Variants in FRMD1 observed in about 807,000 individuals in gnomAD.
The protein encoded by FRMD1 is FERM domain containing 1.
Under a neutral mutation model 54.9 loss-of-function variants are expected in FRMD1, and 51 were observed. The ratio of observed to expected loss-of-function variants is 0.93; its 90% confidence interval spans 0.74 to 1.17. The LOEUF is 1.17. Ranked by LOEUF, FRMD1 falls within the 50% of genes most tolerant of loss-of-function variation. The pLI is 0.00. For synonymous variants in FRMD1, 324 were observed against 306.4 expected (o/e 1.06, Z -0.60); for missense variants, 729 against 743.0 (o/e 0.98, Z 0.22).
At chr6:168,091,734 GA>G (rs1373335709) in intron 1 of FRMD1, among the ~76,000 whole-genome samples, 5 of 152,210 alleles carry the variant, frequency 3.3e-5, no homozygotes, top group African/African-American at 1.2e-4. Flanking sequence ...GGCTGGAACC[GA>G]ATCATAGCTC....
chr6:168,075,703 C>G, intron 1 of FRMD1: 3 of 1,484,512 alleles, frequency 2.0e-6, no homozygotes, highest in Non-Finnish European at 2.8e-6. Context: ...CAAATGAATG[C>G]TTGGTTCCCC....
chr6:168,083,401 C>G (rs149811661), upstream of FRMD1, among the ~76,000 whole-genome samples: 1 of 152,202 alleles, frequency 6.6e-6, no homozygotes, highest in African/African-American at 2.4e-5. Context: ...GCAGCGGTGC[C>G]GGCAGGAACC....
At chr6:168,078,790 ACCCAGGGCCCTGCTCACCCCCACGG>A in intron 1 of FRMD1, 67 bp downstream of exon 1, 5 of 85,152 alleles carry the variant, frequency 5.9e-5, no homozygotes, top group Non-Finnish European at 6.8e-5. Flanking sequence ...CCCCACGGCC[ACCCAGGGCCCTGCTCACCCCCACGG>A]CCACCCGGAG....
chr6:168,088,759 C>T (rs527609146), intron 1 of FRMD1, among the ~76,000 whole-genome samples: 1 of 152,072 alleles, frequency 6.6e-6, no homozygotes, highest in South Asian at 2.1e-4. Context: ...TACTGCTGTC[C>T]CCTGCACACA....
chr6:168,065,093 G>T (rs376497014), intron 4 of FRMD1, 36 bp from the exon 5 acceptor site: 5 of 1,571,980 alleles, frequency 3.2e-6, no homozygotes, highest in Admixed American at 1.7e-5. Context: ...CAGGACGACC[G>T]GTGTGGGGAC....
intron 3 of FRMD1, 109 bp from the exon 4 acceptor site, chr6:168,066,940 C>T (rs989529369): frequency 6.3e-5 from 87 of 1,383,080 alleles, no homozygotes; most frequent in Middle Eastern, 1.8e-4. Context: ...AGCTTAAAGT[C>T]GAAGCTCAGG....
At chr6:168,066,703 G>A (rs1220666887) in intron 4 of FRMD1, 52 bp downstream of exon 4, 17 of 1,563,250 alleles carry the variant, frequency 1.1e-5, no homozygotes, top group East Asian at 2.3e-5. Flanking sequence ...CACGTCATGC[G>A]GCAGATTTTC....
chr6:168,064,925 C>A lies in FRMD1; in HGVS notation c.594G>T (p.Arg198=). ...CALQADLGEH[R]ESAHAGRYFE... is the part of the protein sequence containing the mutation. ...AGTACCTCCCGGCATGGGCCGACTC[C>A]CGGTGCTCGCCCAGGTCAGCCTGCA... The change falls in exon 5 of 11, where the codon CGG becomes CGT. Residue 198 remains arginine (R), a synonymous_variant. Coordinates refer to ENST00000283309, the MANE Select transcript of FRMD1 (RefSeq NM_024919.6). 6.2e-7 allele frequency: 1 copy of A among 1,606,784 alleles called. No individual in the cohort carries two copies.
At chr6:168,065,994 C>G in intron 4 of FRMD1, 1 of 1,000,210 alleles carries the variant, frequency 1.0e-6, no homozygotes, top group South Asian at 4.7e-5. Context: ...AGAAGCAGCC[C>G]CCGTTGGTTT....
upstream of FRMD1, chr6:168,081,333 C>T: frequency 6.6e-7 from 1 of 1,517,632 alleles, no homozygotes; most frequent in South Asian, 1.2e-5. Context: ...GGCCCCAACA[C>T]TGACCCCACC....
upstream of FRMD1, among the ~76,000 whole-genome samples, chr6:168,080,542 T>C (rs1583210276): frequency 6.6e-6 from 1 of 151,854 alleles, no homozygotes; most frequent in Non-Finnish European, 1.5e-5. Context: ...CTGTGCCGGG[T>C]GCCCTCAGCC....
intron 7 of FRMD1, 156 bp downstream of exon 7, chr6:168,062,738 T>C (rs1389539706): frequency 1.9e-6 from 3 of 1,563,946 alleles, no homozygotes; most frequent in Admixed American, 3.9e-5. Context: ...ACGGTCCACC[T>C]CCTGCGGGAC....
intron 1 of FRMD1, among the ~76,000 whole-genome samples, chr6:168,076,339 G>A (rs949130092): frequency 6.6e-6 from 1 of 152,236 alleles, no homozygotes; most frequent in South Asian, 2.1e-4. Context: ...CTAATCCTGA[G>A]TTAATCCTGA....
rs142502669 is a variant in FRMD1, at chr6:168,079,141, T to C, written c.-47A>G. On this transcript the variant is annotated 5_prime_UTR_variant, in exon 1 of 11. Transcript: ENST00000283309. ...CCCGCCATGGGTCGCAGGTGGGTGC[T>C]CAGCACCTCCCAGATCACAGCTGTG... The C allele has an allele frequency of 6.5e-7, 1 of 1,538,116 alleles. No homozygotes were observed. The highest frequency in any genetic ancestry group is 1.9e-5 in the Admixed American group (1 of 52,640).
At chr6:168,083,611 C>A (rs1364392090), upstream of FRMD1, among the ~76,000 whole-genome samples, 1 of 152,246 alleles carries the variant, frequency 6.6e-6, no homozygotes, top group Non-Finnish European at 1.5e-5. Flanking sequence ...CACTCCCCAT[C>A]AGGTGGCTGG....
At chr6:168,065,555 T>C (rs765229260) in intron 4 of FRMD1, 68 of 987,036 alleles carry the variant, frequency 6.9e-5, no homozygotes, top group Non-Finnish European at 8.1e-5. Flanking sequence ...TCTTCTCATA[T>C]AATTCCCCCG....
rs1404012226 is a variant in FRMD1, at chr6:168,073,461, C to T, written c.304+1784G>A. Among the ~76,000 whole-genome samples the T allele has an allele frequency of 3.9e-5, 6 of 152,318 alleles. No homozygotes were observed. In the East Asian group the frequency reaches 1.2e-3, roughly 29 times the overall value. ...GGCCTGCTGGACCCCATCTTATTCCCTCTGCCCCCCAGGGTCCTCCTTCCA... is the reference window on the plus strand; with the variant it reads ...GGCCTGCTGGACCCCATCTTATTCCTTCTGCCCCCCAGGGTCCTCCTTCCA... On this transcript the variant is annotated intron_variant, in intron 2 of 10. Transcript: ENST00000283309.
At position 168,064,805 on chromosome 6, in the gene FRMD1, G is replaced by A. The variant is rs1202018672; in HGVS notation, c.648+66C>T. On this transcript the variant is annotated intron_variant, in intron 5 of 10. Transcript: ENST00000283309. ...CCCTCAGTCCCCTGCTCCCATGGAT[G>A]GCACCCGGTGGAGGTGGACAGGCAC... 2.7e-6 allele frequency: 4 copies of A among 1,500,842 alleles called. No homozygotes were observed. The African/African-American group carries it at 4.1e-5, about 16-fold the overall frequency. 93.0% of individuals were successfully genotyped at this position (1,500,842 alleles called of 1,614,324 possible). A position where few individuals can be genotyped will look rare whatever the true frequency, so the allele number is the denominator to read the frequency against.
intron 8 of FRMD1, 70 bp from the exon 9 acceptor site, chr6:168,061,127 G>A: frequency 1.4e-6 from 2 of 1,471,654 alleles, no homozygotes; most frequent in Non-Finnish European, 9.2e-7. Flanking sequence ...AGGAGGAAGA[G>A]CCCGGGAGAC....
Sources: gnomAD v4.1 joint callset for allele counts (sites outside exome capture counted in the v4.1 genomes callset) on GRCh38, gnomAD v4.1.1 for gene constraint, MANE v1.5 for transcripts, NCBI Gene and HGNC (gene_info 2026-07-23, HGNC 2026-07-21) for gene names.